ACAD11: variants seen among roughly 807,000 people sequenced by gnomAD.
ACAD11 encodes acyl-Coenzyme A dehydrogenase family, member 11.
In ACAD11, 83 loss-of-function variants were observed where a neutral mutation model predicts 102.2. That is an observed-to-expected ratio of 0.81 (90% CI 0.68 to 0.97). The LOEUF (loss-of-function observed/expected upper bound fraction) is 0.97, where lower values mean the gene tolerates loss of function less well. Ranked by LOEUF, ACAD11 falls within the 50% of genes least tolerant of loss-of-function variation. The pLI, the probability that ACAD11 is intolerant of heterozygous loss-of-function variation, is 0.00. For missense variants in ACAD11, 901 were observed against 951.7 expected, an observed-to-expected ratio of 0.95 and a Z score of 0.70; for synonymous variants, 324 against 319.8, an observed-to-expected ratio of 1.01 and a Z score of -0.14.
intron 13 of ACAD11, among the ~76,000 whole-genome samples, chr3:132,591,630 C>G (rs975179883): frequency 2.0e-5 from 3 of 152,140 alleles, no homozygotes; most frequent in Non-Finnish European, 2.9e-5. Context: ...TGACTCATAT[C>G]TGTAATCCCA....
Position 132,659,730 on chromosome 3 carries a change from C to T in ACAD11, c.22G>A (p.Glu8Lys), listed in dbSNP as rs1254140672. The change falls in exon 1 of 20, where the codon GAG becomes AAG. Residue 8 changes from glutamate (E) to lysine (K), a missense_variant. Physicochemically the swap from Glu to Lys is moderately conservative, Grantham distance 56 (BLOSUM62 1). Transcript: ENST00000264990. Reference protein sequence around the residue: MKPGATGESDLAEVLPQH... With the variant: MKPGATGKSDLAEVLPQH... ...GGCAGCACTTCGGCCAAATCGGACT[C>T]GCCAGTAGCACCTGGCTTCATGATC... 1.7e-5 allele frequency: 27 copies of T among 1,605,920 alleles called. No homozygotes were observed. Among genetic ancestry groups the T allele is most frequent in the Non-Finnish European group, 2.2e-5 (26 of 1,175,142 alleles).
intron 11 of ACAD11, among the ~76,000 whole-genome samples, chr3:132,617,061 C>T (rs369777977): frequency 3.9e-5 from 6 of 152,108 alleles, no homozygotes; most frequent in Non-Finnish European, 8.8e-5. Context: ...TTTGGTAGAG[C>T]TTTAGCACCA....
intron 17 of ACAD11, among the ~76,000 whole-genome samples, chr3:132,573,250 C>T (rs934703234): frequency 6.6e-6 from 1 of 152,042 alleles, no homozygotes; most frequent in African/African-American, 2.4e-5. Flanking sequence ...TTCCCTAAAG[C>T]GGTGATGTTC....
chr3:132,571,344 G>A (rs976017145), intron 17 of ACAD11, among the ~76,000 whole-genome samples: 4 of 143,290 alleles, frequency 2.8e-5, no homozygotes, highest in African/African-American at 5.3e-5. Context: ...ACTTTTTAAC[G>A]GTTTTTTTTT....
chr3:132,587,668 G>A (rs902225653), intron 13 of ACAD11, among the ~76,000 whole-genome samples: 16 of 151,978 alleles, frequency 1.1e-4, no homozygotes, highest in African/African-American at 3.1e-4. Context: ...ATTGTATTCC[G>A]GACATTGTGA....
chr3:132,561,073 G>A, intron 18 of ACAD11, 28 bp downstream of exon 18: 1 of 1,553,558 alleles, frequency 6.4e-7, no homozygotes, highest in Non-Finnish European at 8.9e-7. Flanking sequence ...TCAGCAGTTG[G>A]TGGTCTGAGG....
At chr3:132,630,226 A>G (rs75199933) in intron 7 of ACAD11, among the ~76,000 whole-genome samples, 23 of 152,276 alleles carry the variant, frequency 1.5e-4, no homozygotes, top group African/African-American at 5.3e-4. Context: ...TATACAAAAA[A>G]CTGATAATAC....
chr3:132,630,421 T>C lies in ACAD11; in HGVS notation c.963+16A>G. On this transcript the variant is annotated intron_variant, in intron 7 of 19. Coordinates refer to ENST00000264990, the MANE Select transcript of ACAD11 (RefSeq NM_032169.5). The stretch of plus-strand genomic sequence containing the variant: ...GGTAAATAATGGCGAAACACACGTT[T>C]AAAACAATTAATTACCTGTGCTATT... 12 of 1,608,552 alleles carry C rather than the reference T, an allele frequency of 7.5e-6. No homozygotes were observed. Among genetic ancestry groups the C allele is most frequent in the Non-Finnish European group, 1.0e-5 (12 of 1,178,022 alleles).
Position 132,561,211 on chromosome 3 carries a change from C to T in ACAD11, c.2008G>A (p.Val670Met). The change falls in exon 18 of 20, where the codon GTG becomes ATG. Residue 670 changes from valine (V) to methionine (M), a missense_variant. Val to Met is a conservative substitution (Grantham distance 21, BLOSUM62 1). Coordinates refer to ENST00000264990, the MANE Select transcript of ACAD11 (RefSeq NM_032169.5). ...FKKKLYAHEV[V>M]AHWIAESRIA... is the part of the protein sequence containing the mutation. Reference sequence around the variant, plus strand: ...CGGCTTTCAGCAATCCAGTGAGCCACAACCTCCTATAGGGGAGGAAAAGGC... The same window carrying T: ...CGGCTTTCAGCAATCCAGTGAGCCATAACCTCCTATAGGGGAGGAAAAGGC... 2.5e-6 allele frequency: 4 copies of T among 1,612,554 alleles called. No individual in the cohort carries two copies. Among genetic ancestry groups the T allele is most frequent in the Non-Finnish European group, 3.4e-6 (4 of 1,178,964 alleles).
chr3:132,622,434 G>A (rs1323579110), intron 9 of ACAD11, among the ~76,000 whole-genome samples: 1 of 152,112 alleles, frequency 6.6e-6, no homozygotes, highest in Admixed American at 6.5e-5. Context: ...CAATGCTACT[G>A]TGTTTGATAA....
At chr3:132,596,521 A>G (rs1249567318) in intron 13 of ACAD11, among the ~76,000 whole-genome samples, 3 of 152,198 alleles carry the variant, frequency 2.0e-5, no homozygotes, top group Non-Finnish European at 4.4e-5. Context: ...GAAAAAATAG[A>G]TAACTGCCAT....
chr3:132,594,901 T>C (rs185192317), intron 13 of ACAD11, among the ~76,000 whole-genome samples: 158 of 147,630 alleles, frequency 1.1e-3, no homozygotes, highest in African/African-American at 4.0e-3. Context: ...TTTTTATTAA[T>C]TCAAAATATT....
chr3:132,569,472 TTA>T (rs1433729926), intron 17 of ACAD11, among the ~76,000 whole-genome samples: 1 of 152,168 alleles, frequency 6.6e-6, no homozygotes, highest in Non-Finnish European at 1.5e-5. Context: ...TCGTGGGCAT[TTA>T]TCTCTGAGAA....
At position 132,644,704 on chromosome 3, in the gene ACAD11, C is replaced by T. The variant is rs563200891; in HGVS notation, c.249+93G>A. ...AATATATTTTATATTATTTGGCAAT[C>T]ATAAGATGCCTTTTAAAAGTAAATT... On this transcript the variant is annotated intron_variant, in intron 2 of 19. Coordinates refer to ENST00000264990, the MANE Select transcript of ACAD11 (RefSeq NM_032169.5). 6 of 536,802 alleles carry T rather than the reference C, an allele frequency of 1.1e-5. 1 individual carries two copies. The South Asian group carries it at 2.5e-4, about 22-fold the overall frequency. The allele number at this position is 536,802 out of a possible 1,614,324, so 33.3% of individuals were successfully genotyped here. A position where few individuals can be genotyped will look rare whatever the true frequency, so the allele number is the denominator to read the frequency against.
intron 5 of ACAD11, among the ~76,000 whole-genome samples, chr3:132,635,746 T>C (rs11915025): frequency 0.37 from 56,822 of 152,040 alleles, 13,318 homozygotes; most frequent in East Asian, 0.71. Context: ...TGTTCAGAGC[T>C]TGGCATATAT....
At chr3:132,581,533 C>T (rs1224431525) in intron 13 of ACAD11, among the ~76,000 whole-genome samples, 2 of 151,626 alleles carry the variant, frequency 1.3e-5, no homozygotes, top group Non-Finnish European at 2.9e-5. Flanking sequence ...GAGAAGTCTC[C>T]AGGAAAGAAA....
intron 2 of ACAD11, 109 bp from the exon 3 acceptor site, chr3:132,642,911 G>T: frequency 1.8e-6 from 2 of 1,097,522 alleles, no homozygotes; most frequent in Non-Finnish European, 2.7e-6. Context: ...CTGTAAAACA[G>T]TATCAACACA....
At chr3:132,644,496 A>G (rs999741200) in intron 2 of ACAD11, among the ~76,000 whole-genome samples, 1 of 152,200 alleles carries the variant, frequency 6.6e-6, no homozygotes, top group Non-Finnish European at 1.5e-5. Context: ...ACAGATGAGT[A>G]GCACTGAAAA....
rs371418324 is a variant in ACAD11 at position 132,632,145 on chromosome 3, G to A, written c.703-666C>T. Among the ~76,000 whole-genome samples, 50 of 150,876 alleles carry A rather than the reference G, an allele frequency of 3.3e-4. 1 individual carries two copies. In the Middle Eastern group the frequency reaches 0.01, roughly 31 times the overall value. ...GTCTCCCAGGCTGGAGTGCAGTGGC[G>A]CGATCTCTGCTCACTGCAAGCTCCG... On this transcript the variant is annotated intron_variant, in intron 5 of 19. Coordinates refer to ENST00000264990, the MANE Select transcript of ACAD11 (RefSeq NM_032169.5).
Sources: gnomAD v4.1 joint callset for allele counts (sites outside exome capture counted in the v4.1 genomes callset) on GRCh38, gnomAD v4.1.1 for gene constraint, MANE v1.5 for transcripts, NCBI Gene and HGNC (gene_info 2026-07-23, HGNC 2026-07-21) for gene names.